Variants in RBM44 observed in about 807,000 individuals in gnomAD.
RBM44 encodes the protein RNA-binding protein 44.
A neutral mutation model predicts 105.1 loss-of-function variants in RBM44; 66 were observed. The ratio of observed to expected loss-of-function variants is 0.63; its 90% confidence interval spans 0.52 to 0.77. The LOEUF (loss-of-function observed/expected upper bound fraction) is 0.77, where lower values mean the gene tolerates loss of function less well. Ranked by LOEUF, RBM44 falls within the 30% of genes least tolerant of loss-of-function variation. The pLI is 0.00. For synonymous variants in RBM44, 365 were observed against 417.6 expected (o/e 0.87, Z 1.54); for missense variants, 1,122 against 1,207.8 (o/e 0.93, Z 1.05).
intron 2 of RBM44, among the ~76,000 whole-genome samples, chr2:237,814,655 A>G (rs1310868287): frequency 2.6e-5 from 4 of 152,178 alleles, no homozygotes; most frequent in Non-Finnish European, 5.9e-5. Flanking sequence ...AAAAGATAAT[A>G]GGTTAGTGGA....
intron 1 of RBM44, among the ~76,000 whole-genome samples, chr2:237,808,413 G>A (rs1576497524): frequency 6.6e-6 from 1 of 151,252 alleles, no homozygotes; most frequent in Non-Finnish European, 1.5e-5. Flanking sequence ...TCGCCCCACT[G>A]CACTCCAGCC....
In RBM44 at chr2:237,817,524, C is replaced by T. The variant is rs773667395; in HGVS notation, c.605C>T (p.Ser202Phe). 163 of 1,609,460 alleles carry T rather than the reference C, an allele frequency of 1.0e-4. No homozygotes were observed. Among genetic ancestry groups the T allele is most frequent in the Non-Finnish European group, 1.3e-4 (150 of 1,177,616 alleles). The change falls in exon 3 of 16, where the codon TCT (serine) becomes TTT (phenylalanine). Residue 202 changes from serine to phenylalanine, a missense_variant. By Grantham distance (155) the Ser-to-Phe change is radical (BLOSUM62 -2). Coordinates refer to ENST00000316997, the MANE Select transcript of RBM44 (RefSeq NM_001080504.3). ...EEQEYISNHLSFDQTKALDIS... is the reference protein window; with the variant it reads ...EEQEYISNHLFFDQTKALDIS... ...CAAGAATACATAAGTAACCATTTATCTTTTGACCAAACAAAAGCATTAGAT... is the reference window on the plus strand; with the variant it reads ...CAAGAATACATAAGTAACCATTTATTTTTTGACCAAACAAAAGCATTAGAT...
At chr2:237,802,524 G>A (rs1285436620) in intron 1 of RBM44, among the ~76,000 whole-genome samples, 4 of 152,126 alleles carry the variant, frequency 2.6e-5, no homozygotes, top group East Asian at 1.9e-4. Context: ...TGTTGTCCTC[G>A]AGTATTGTTT....
chr2:237,829,553 G>GT, intron 13 of RBM44, 51 bp downstream of exon 13: 1 of 1,460,442 alleles, frequency 6.8e-7, no homozygotes, highest in Non-Finnish European at 9.3e-7. Context: ...TCATATTGCT[G>GT]TAAGTAGCTT....
chr2:237,807,609 A>G (rs989884721), intron 1 of RBM44, among the ~76,000 whole-genome samples: 1 of 152,116 alleles, frequency 6.6e-6, no homozygotes, highest in Non-Finnish European at 1.5e-5. Flanking sequence ...AGAAGAAATG[A>G]TTTGAGAGGA....
At chr2:237,835,111 G>T (rs1017651331) in intron 15 of RBM44, among the ~76,000 whole-genome samples, 1 of 152,142 alleles carries the variant, frequency 6.6e-6, no homozygotes, top group African/African-American at 2.4e-5. Context: ...TGGTGATTGT[G>T]ATCAGTGATC....
intron 13 of RBM44, among the ~76,000 whole-genome samples, chr2:237,832,327 A>G (rs75510762): frequency 0.019 from 2,865 of 151,246 alleles, 40 homozygotes; most frequent in East Asian, 0.056. Context: ...TAATTTTTGT[A>G]TTTTTCTGTA....
intron 1 of RBM44, among the ~76,000 whole-genome samples, chr2:237,810,207 T>G (rs1030744): frequency 0.19 from 28,432 of 152,206 alleles, 2,874 homozygotes; most frequent in Middle Eastern, 0.32. Context: ...AGATTTCAAG[T>G]GTTTAATAGC....
Position 237,817,358 on chromosome 2 carries a change from A to G in RBM44, c.439A>G (p.Ile147Val). The G allele has an allele frequency of 6.2e-7, 1 of 1,600,256 alleles. No homozygotes were observed. Residue 147 changes from isoleucine to valine, a missense_variant, in exon 3 of 16, where the codon ATT becomes GTT. Ile to Val is a conservative substitution (Grantham distance 29, BLOSUM62 3). Transcript: ENST00000316997. ...GAAAAAAGAGGAGGTTTTTTTTAAT[A>G]TTTTGGAACATCAAGATAAGACTGT... ...VQKKEEVFFNILEHQDKTVGL... is the reference protein window; with the variant it reads ...VQKKEEVFFNVLEHQDKTVGL...
At chr2:237,819,014 A>G (rs1159023107) in intron 4 of RBM44, 55 bp downstream of exon 4, 2 of 935,570 alleles carry the variant, frequency 2.1e-6, no homozygotes, top group South Asian at 1.7e-5. Flanking sequence ...TCAAAATAGT[A>G]TTTGCTTTCT....
chr2:237,801,238 C>T (rs1278783493), intron 1 of RBM44, among the ~76,000 whole-genome samples: 1 of 152,126 alleles, frequency 6.6e-6, no homozygotes, highest in Non-Finnish European at 1.5e-5. Context: ...GGAGGATCAC[C>T]TGAACCCAGG....
intron 13 of RBM44, among the ~76,000 whole-genome samples, chr2:237,830,397 C>T (rs921819726): frequency 6.6e-6 from 1 of 152,040 alleles, no homozygotes; most frequent in African/African-American, 2.4e-5. Context: ...TCACTTCGTG[C>T]CTTGTCTTTT....
At chr2:237,838,269 CA>C (rs1227231570) in intron 15 of RBM44, among the ~76,000 whole-genome samples, 1 of 152,122 alleles carries the variant, frequency 6.6e-6, no homozygotes, top group Non-Finnish European at 1.5e-5. Context: ...TCTCCAAGCC[CA>C]AAGCTCTAGA....
At position 237,834,352 on chromosome 2, in the gene RBM44, C is replaced by T. The variant is rs748588762; in HGVS notation, c.3107C>T (p.Thr1036Ile). The T allele has an allele frequency of 1.9e-6, 3 of 1,555,770 alleles. No homozygotes were observed. Among genetic ancestry groups the T allele is most frequent in the South Asian group, 2.5e-5 (2 of 81,466 alleles). The change falls in exon 15 of 16, where the codon ACT becomes ATT. Residue 1036 changes from threonine to isoleucine, a missense_variant. Coordinates refer to ENST00000316997, the MANE Select transcript of RBM44 (RefSeq NM_001080504.3). The stretch of plus-strand genomic sequence containing the variant: ...TTTCTGAATGGCTTATCTATTACTA[C>T]TATTGTGGAGATGACTTCATCTCTT... Reference protein sequence around the residue: ...KGFLNGLSITTIVEMTSSLLK... With the variant: ...KGFLNGLSITIIVEMTSSLLK...
intron 15 of RBM44, among the ~76,000 whole-genome samples, chr2:237,835,096 C>T (rs2061945878): frequency 6.6e-6 from 1 of 152,096 alleles, no homozygotes; most frequent in African/African-American, 2.4e-5. Flanking sequence ...TTTGTGACGC[C>T]TGTATGGTGA....
At chr2:237,823,924 G>A (rs755644749) in intron 9 of RBM44, among the ~76,000 whole-genome samples, 10 of 152,024 alleles carry the variant, frequency 6.6e-5, no homozygotes, top group Admixed American at 1.3e-4. Context: ...GCTGCAACGC[G>A]GCTTAATTCT....
rs2061632979 is a variant in RBM44, at chr2:237,809,350, T to C, written c.-18-4242T>C. ...TAATCTTTTTCTTGGTTCTAATTAT[T>C]TTTTAAACTTTTTTCTTGACCCCCG... On this transcript the variant is annotated intron_variant, in intron 1 of 15. Coordinates refer to ENST00000316997, the MANE Select transcript of RBM44 (RefSeq NM_001080504.3). 2.0e-5 allele frequency among the ~76,000 whole-genome samples: 3 copies of C among 152,304 alleles called. 1 individual carries two copies. In the South Asian group the frequency reaches 6.2e-4, roughly 32 times the overall value.
At chr2:237,813,512 C>T in intron 1 of RBM44, 80 bp from the exon 2 acceptor site, 4 of 700,748 alleles carry the variant, frequency 5.7e-6, no homozygotes, top group Non-Finnish European at 9.3e-6. Context: ...TTTAAAAGGA[C>T]ATATCTTTCT....
chr2:237,833,009 G>T (rs371676190), intron 13 of RBM44, among the ~76,000 whole-genome samples: 1 of 152,190 alleles, frequency 6.6e-6, no homozygotes, highest in African/African-American at 2.4e-5. Context: ...AGCTGTTGTT[G>T]TTATTACTTA....
Sources: gnomAD v4.1 joint callset for allele counts (sites outside exome capture counted in the v4.1 genomes callset) on GRCh38, gnomAD v4.1.1 for gene constraint, MANE v1.5 for transcripts, NCBI Gene and HGNC (gene_info 2026-07-23, HGNC 2026-07-21) for gene names.